NRP1: variants seen among roughly 807,000 people sequenced by gnomAD.
NRP1 encodes the protein neuropilin 1.
A neutral mutation model predicts 106.7 loss-of-function variants in NRP1; 35 were observed. That is an observed-to-expected ratio of 0.33 (90% CI 0.25 to 0.43). NRP1 has a LOEUF of 0.43. Among genes scored for constraint, NRP1 ranks in the 20% least tolerant of loss-of-function variants. NRP1 has a pLI of 1.00. For synonymous variants in NRP1, 437 were observed against 417.9 expected, an observed-to-expected ratio of 1.05 and a Z score of -0.56; for missense variants, 1,024 against 1,170.4, an observed-to-expected ratio of 0.87 and a Z score of 1.83.
Position 33,224,316 on chromosome 10 carries a change from C to T in NRP1, c.1137+1818G>A, listed in dbSNP as rs148193124. 4.6e-5 allele frequency among the ~76,000 whole-genome samples: 7 copies of T among 152,294 alleles called. 1 individual carries two copies. The highest frequency in any genetic ancestry group is 1.0e-4 in the Non-Finnish European group (7 of 68,028). Reference sequence around the variant, plus strand: ...CACCCCTGTAATCTGTGGGTGCTCTCCGACAGCCCCCCTCTTCTGGGCCAT... The same window carrying T: ...CACCCCTGTAATCTGTGGGTGCTCTTCGACAGCCCCCCTCTTCTGGGCCAT... On this transcript the variant is annotated intron_variant, in intron 7 of 16. Transcript: ENST00000374867.
rs563758374 is a variant in NRP1 at position 33,299,400 on chromosome 10, C to T, written c.249-28544G>A. Among the ~76,000 whole-genome samples, 22 of 152,302 alleles carry T rather than the reference C, an allele frequency of 1.4e-4. No homozygotes were observed. The East Asian group carries it at 4.0e-3, about 28-fold the overall frequency. ...CAATCTGTTGTACTCCCCAGAATTG[C>T]CTCTGATCCTTGCCTGACAACCATC... is the stretch of plus-strand genomic sequence containing the variant. On this transcript the variant is annotated intron_variant, in intron 2 of 16. Coordinates refer to ENST00000374867, the MANE Select transcript of NRP1 (RefSeq NM_003873.7).
chr10:33,230,651 G>A (rs1024363595), intron 6 of NRP1, among the ~76,000 whole-genome samples: 1 of 149,942 alleles, frequency 6.7e-6, no homozygotes, highest in African/African-American at 2.5e-5. Flanking sequence ...GTATCTCCTA[G>A]TCACTTTCCT....
chr10:33,270,606 G>A, intron 3 of NRP1, 69 bp downstream of exon 3: 3 of 1,374,196 alleles, frequency 2.2e-6, no homozygotes, highest in Non-Finnish European at 3.0e-6. Context: ...AGATTACAGG[G>A]GTGAGCCACC....
chr10:33,326,153 G>T (rs908691783), intron 2 of NRP1, among the ~76,000 whole-genome samples: 1 of 152,146 alleles, frequency 6.6e-6, no homozygotes, highest in Admixed American at 6.5e-5. Context: ...TTATCATGCT[G>T]ATTGTGTGCA....
intron 12 of NRP1, chr10:33,195,580 C>A (rs761615370): frequency 1.9e-6 from 1 of 533,318 alleles, no homozygotes; most frequent in Admixed American, 1.9e-5. Context: ...CTGGAGCCTG[C>A]AGAACAGTGT....
intron 6 of NRP1, among the ~76,000 whole-genome samples, chr10:33,236,154 C>G (rs1211944588): frequency 6.6e-6 from 1 of 152,226 alleles, no homozygotes; most frequent in Non-Finnish European, 1.5e-5. Flanking sequence ...GCTGTCAGAA[C>G]AGACCAAATG....
chr10:33,277,995 T>G (rs1843836128), intron 2 of NRP1, among the ~76,000 whole-genome samples: 1 of 152,168 alleles, frequency 6.6e-6, no homozygotes, highest in Admixed American at 6.5e-5. Flanking sequence ...TAAAACTCCG[T>G]TTTTCTTACT....
chr10:33,225,151 C>G (rs140026091), intron 7 of NRP1, among the ~76,000 whole-genome samples: 13 of 152,302 alleles, frequency 8.5e-5, no homozygotes, highest in Non-Finnish European at 1.0e-4. Context: ...TCCTACAGAA[C>G]AGCTGTCTAT....
rs547444218 is a variant in NRP1 at position 33,200,716 on chromosome 10, G to A, written c.1864+2175C>T. ...AAAATTGCTTGTGAGCATAGGAGAT[G>A]TGTAGTTTCCATATAAAAAGGTGTC... is the stretch of plus-strand genomic sequence containing the variant. On this transcript the variant is annotated intron_variant, in intron 11 of 16. Coordinates refer to ENST00000374867, the MANE Select transcript of NRP1 (RefSeq NM_003873.7). Among the ~76,000 whole-genome samples the A allele has an allele frequency of 4.6e-5, 7 of 152,358 alleles. No individual in the cohort carries two copies. The South Asian group carries it at 1.2e-3, about 27-fold the overall frequency.
intron 6 of NRP1, among the ~76,000 whole-genome samples, chr10:33,252,792 G>A (rs1378016612): frequency 6.6e-6 from 1 of 152,138 alleles, no homozygotes; most frequent in Non-Finnish European, 1.5e-5. Flanking sequence ...CAATCCCAAG[G>A]TAGACGTCTC....
intron 2 of NRP1, among the ~76,000 whole-genome samples, chr10:33,299,436 A>C (rs1845644480): frequency 6.6e-6 from 1 of 152,260 alleles, no homozygotes; most frequent in Admixed American, 6.5e-5. Flanking sequence ...CCAGGATTTC[A>C]GATCAAGATG....
chr10:33,271,564 G>C (rs113411212), intron 2 of NRP1, among the ~76,000 whole-genome samples: 139 of 152,314 alleles, frequency 9.1e-4, no homozygotes, highest in African/African-American at 3.1e-3. Flanking sequence ...GAATATCATT[G>C]TTTGAGTCTT....
chr10:33,238,905 C>CTG (rs34194923), intron 6 of NRP1, among the ~76,000 whole-genome samples: 24,503 of 148,562 alleles, frequency 0.16, 2,411 homozygotes, highest in East Asian at 0.48. Flanking sequence ...GTGGGTGCCT[C>CTG]TGTGTGTGTG....
chr10:33,295,856 GC>G (rs1451450071), intron 2 of NRP1, among the ~76,000 whole-genome samples: 2 of 152,198 alleles, frequency 1.3e-5, no homozygotes, highest in Non-Finnish European at 2.9e-5. Context: ...TAAAAGGGCT[GC>G]CTATTATGCT....
At chr10:33,269,367 A>C (rs1166094891) in intron 3 of NRP1, among the ~76,000 whole-genome samples, 2 of 152,302 alleles carry the variant, frequency 1.3e-5, no homozygotes, top group East Asian at 3.9e-4. Flanking sequence ...ATCAAGGCTC[A>C]ACTGCAGCCT....
intron 2 of NRP1, among the ~76,000 whole-genome samples, chr10:33,284,557 G>T (rs1264885242): frequency 6.6e-6 from 1 of 152,098 alleles, no homozygotes; most frequent in Non-Finnish European, 1.5e-5. Context: ...CCATATTTCA[G>T]ATATTTCATT....
chr10:33,295,004 A>G (rs776007713), intron 2 of NRP1, among the ~76,000 whole-genome samples: 3 of 152,246 alleles, frequency 2.0e-5, no homozygotes, highest in Non-Finnish European at 4.4e-5. Context: ...CAAGTGCCCC[A>G]CAGTTATCAA....
chr10:33,236,443 C>G (rs911793763), intron 6 of NRP1, among the ~76,000 whole-genome samples: 1 of 152,192 alleles, frequency 6.6e-6, no homozygotes, highest in Non-Finnish European at 1.5e-5. Context: ...TAATATAACT[C>G]TTGATTCCAT....
At chr10:33,275,091 T>C (rs368193421) in intron 2 of NRP1, among the ~76,000 whole-genome samples, 1 of 152,220 alleles carries the variant, frequency 6.6e-6, no homozygotes, top group South Asian at 2.1e-4. Flanking sequence ...AGCCAATTAG[T>C]CTGCATCTAT....
Sources: gnomAD v4.1 joint callset for allele counts (sites outside exome capture counted in the v4.1 genomes callset) on GRCh38, gnomAD v4.1.1 for gene constraint, MANE v1.5 for transcripts, NCBI Gene and HGNC (gene_info 2026-07-23, HGNC 2026-07-21) for gene names.